The following KRT8 variants were observed in gnomAD, a reference collection of about 807,000 sequenced individuals.
The protein encoded by KRT8 is keratin, type II cytoskeletal 8.
KRT8 carries 24 observed loss-of-function variants against 43.0 expected under a neutral mutation model. The ratio of observed to expected loss-of-function variants is 0.56; its 90% CI spans 0.40 to 0.78. KRT8 has a LOEUF of 0.78. Among genes scored for constraint, KRT8 ranks in the 30% least tolerant of loss-of-function variants. The pLI is 0.00. For synonymous variants in KRT8, 214 were observed against 261.2 expected, an observed-to-expected ratio of 0.82 and a Z score of 1.74; for missense variants, 492 against 638.4, an observed-to-expected ratio of 0.77 and a Z score of 2.47.
intron 1 of KRT8, among the ~76,000 whole-genome samples, chr12:52,902,641 G>T (rs1460970493): frequency 1.3e-5 from 2 of 152,036 alleles, no homozygotes; most frequent in Non-Finnish European, 2.9e-5. Context: ...GCCCGCCTTG[G>T]CCTCCCAAAG....
intron 2 of KRT8, among the ~76,000 whole-genome samples, chr12:52,915,334 A>C (rs1365438042): frequency 6.6e-6 from 1 of 151,146 alleles, no homozygotes; most frequent in Non-Finnish European, 1.5e-5. Flanking sequence ...AGATCTCGCC[A>C]CTGCACTCCA....
chr12:52,908,599 A>G (rs982275282), upstream of KRT8, among the ~76,000 whole-genome samples: 1 of 152,208 alleles, frequency 6.6e-6, no homozygotes. Context: ...CATGTGCACA[A>G]CAGGCAAAGC....
At chr12:52,897,750 T>C in intron 7 of KRT8, 132 bp from the exon 8 acceptor site, 1 of 1,228,988 alleles carries the variant, frequency 8.1e-7, no homozygotes, top group Non-Finnish European at 1.2e-6. Context: ...TGATCAGTGA[T>C]TGCATGGTTC....
chr12:52,933,215 G>T (rs1227384624), intron 2 of KRT8, among the ~76,000 whole-genome samples: 1 of 152,096 alleles, frequency 6.6e-6, no homozygotes, highest in Non-Finnish European at 1.5e-5. Context: ...CAGAGTGCTG[G>T]GATTACAGGT....
intron 1 of KRT8, 54 bp from the exon 2 acceptor site, chr12:52,902,126 C>A: frequency 8.5e-7 from 1 of 1,174,910 alleles, no homozygotes; most frequent in South Asian, 1.2e-5. Flanking sequence ...GGCTCAAAGT[C>A]TGGAGGAAAG....
exon 8 of KRT8, chr12:52,897,295 C>T (rs754731231): frequency 8.1e-6 from 7 of 863,016 alleles, no homozygotes; most frequent in Non-Finnish European, 1.2e-5. Flanking sequence ...TAGTAAACTC[C>T]CCAGGTGGGC....
At chr12:52,924,305 C>T (rs764062239) in intron 2 of KRT8, among the ~76,000 whole-genome samples, 69 of 151,812 alleles carry the variant, frequency 4.5e-4, no homozygotes, top group Non-Finnish European at 9.1e-4. Context: ...AAAAATTAGG[C>T]GGGCATGGTG....
intron 2 of KRT8, among the ~76,000 whole-genome samples, chr12:52,941,003 C>A (rs150678188): frequency 6.6e-4 from 101 of 152,058 alleles, no homozygotes; most frequent in Non-Finnish European, 7.1e-4. Flanking sequence ...TTGTCAAAAC[C>A]CATCAAACTG....
chr12:52,917,358 C>T (rs1941760620), intron 2 of KRT8, among the ~76,000 whole-genome samples: 1 of 143,638 alleles, frequency 7.0e-6, no homozygotes, highest in African/African-American at 2.6e-5. Flanking sequence ...GCCAAGATCA[C>T]ACCATCGCAC....
rs1941677007 is a variant in KRT8, at chr12:52,913,581, C to A, written c.-46-8554G>T. ...AGAACAAACAGCCTCACAGGCCCACCCCCCACCCTGTGGGCACACAACCTC... is the reference window on the plus strand; with the variant it reads ...AGAACAAACAGCCTCACAGGCCCACACCCCACCCTGTGGGCACACAACCTC... On this transcript the variant is annotated intron_variant, in intron 2 of 6. Transcript: ENST00000546826. 1.4e-5 allele frequency among the ~76,000 whole-genome samples: 2 copies of A among 147,060 alleles called. 1 individual carries two copies. Among genetic ancestry groups the A allele is most frequent in the South Asian group, 4.5e-4 (2 of 4,438 alleles).
At chr12:52,948,785 C>G (rs1396395164) in intron 2 of KRT8, 5 of 408,128 alleles carry the variant, frequency 1.2e-5, no homozygotes, top group South Asian at 1.2e-4. Context: ...CCACTGCGCC[C>G]GGTCAAGACT....
At chr12:52,933,271 G>A (rs1391027263) in intron 2 of KRT8, among the ~76,000 whole-genome samples, 1 of 152,012 alleles carries the variant, frequency 6.6e-6, no homozygotes, top group Non-Finnish European at 1.5e-5. Flanking sequence ...CTATATACTG[G>A]CAATGAGAAA....
At chr12:52,934,193 C>T (rs1942129270) in intron 2 of KRT8, among the ~76,000 whole-genome samples, 1 of 151,692 alleles carries the variant, frequency 6.6e-6, no homozygotes, top group African/African-American at 2.4e-5. Flanking sequence ...TGTGCCACTG[C>T]ACTCCAGCCT....
At chr12:52,944,058 A>G (rs997128308) in intron 2 of KRT8, among the ~76,000 whole-genome samples, 2 of 152,138 alleles carry the variant, frequency 1.3e-5, no homozygotes, top group African/African-American at 4.8e-5. Flanking sequence ...AAAGGAGCAA[A>G]TGGGGCAAAG....
intron 2 of KRT8, among the ~76,000 whole-genome samples, chr12:52,940,814 G>T (rs1392679639): frequency 6.6e-6 from 1 of 151,644 alleles, no homozygotes; most frequent in Admixed American, 6.6e-5. Flanking sequence ...TTTTAGTAGA[G>T]ATGGGGTTTC....
Position 52,923,974 on chromosome 12 carries a change from A to T in KRT8, c.-46-18947T>A, listed in dbSNP as rs367809445. Among the ~76,000 whole-genome samples the T allele has an allele frequency of 3.2e-4, 47 of 148,632 alleles. No individual in the cohort carries two copies. The South Asian group carries it at 7.3e-3, about 23-fold the overall frequency. ...ATTCTCCTGCCTCAGCCTCCCGAGT[A>T]GCTGGGATTACAGGCGCCCGCCACC... On this transcript the variant is annotated intron_variant, in intron 2 of 6. Transcript: ENST00000546826.
chr12:52,913,992 G>A (rs1413634038), intron 2 of KRT8, among the ~76,000 whole-genome samples: 2 of 152,176 alleles, frequency 1.3e-5, no homozygotes, highest in Non-Finnish European at 2.9e-5. Flanking sequence ...GGAGGCCAAG[G>A]CCAGCTGATT....
Position 52,897,434 on chromosome 12 carries a change from G to A in KRT8, c.1446C>T (p.Pro482=), listed in dbSNP as rs746902650. The A allele has an allele frequency of 4.4e-6, 7 of 1,599,168 alleles. No individual in the cohort carries two copies. In the South Asian group the frequency reaches 5.5e-5, roughly 13 times the overall value. Residue 482 remains proline (P), a synonymous_variant, in exon 8 of 8, where the codon CCC becomes CCT. Coordinates refer to ENST00000692008, the Ensembl canonical transcript of KRT8. ...GAGGGGCTGCCGCAGCTGTTCACTTGGGCAGGACGTCAGAGGACTCAGACA... is the reference window on the plus strand; with the variant it reads ...GAGGGGCTGCCGCAGCTGTTCACTTAGGCAGGACGTCAGAGGACTCAGACA...
At chr12:52,938,170 A>ATATATATATATATATATG (rs1555189967) in intron 2 of KRT8, among the ~76,000 whole-genome samples, 1 of 30,322 alleles carries the variant, frequency 3.3e-5, no homozygotes, top group Non-Finnish European at 5.9e-5. Context: ...ATATATATAT[A>ATATATATATATATATATG]TTTTTTTTTT....
Sources: gnomAD v4.1 joint callset for allele counts (sites outside exome capture counted in the v4.1 genomes callset) on GRCh38, gnomAD v4.1.1 for gene constraint, MANE v1.5 for transcripts, NCBI Gene and HGNC (gene_info 2026-07-23, HGNC 2026-07-21) for gene names.